The following BMPR1B variants were observed in gnomAD, a reference collection of about 807,000 sequenced individuals.
BMPR1B encodes the protein bone morphogenetic protein receptor type 1B.
In BMPR1B, 12 loss-of-function variants were observed where a neutral mutation model predicts 59.1. That is an observed-to-expected ratio of 0.20 (90% CI 0.13 to 0.33). BMPR1B has a LOEUF of 0.33. Ranked by LOEUF, BMPR1B falls within the 10% of genes least tolerant of loss-of-function variation. The probability of loss-of-function intolerance (pLI) is 1.00; values close to 1 mark genes in which losing one functional copy is unlikely to be tolerated. For synonymous variants in BMPR1B, 237 were observed against 207.3 expected (o/e 1.14, Z -1.23); for missense variants, 550 against 610.9 (o/e 0.90, Z 1.05).
intron 2 of BMPR1B, among the ~76,000 whole-genome samples, chr4:94,906,075 TG>T (rs1158361913): frequency 1.3e-5 from 2 of 151,918 alleles, no homozygotes; most frequent in African/African-American, 4.8e-5. Flanking sequence ...TCCTAGTTCC[TG>T]CTCAGCCAAG....
chr4:94,928,546 G>A (rs1054658759), intron 2 of BMPR1B, among the ~76,000 whole-genome samples: 1 of 149,724 alleles, frequency 6.7e-6, no homozygotes, highest in Middle Eastern at 3.5e-3. Flanking sequence ...CTCCTCCTAT[G>A]TTGTCATGCA....
chr4:95,019,863 T>C (rs1723845120), intron 3 of BMPR1B, among the ~76,000 whole-genome samples: 1 of 152,132 alleles, frequency 6.6e-6, no homozygotes, highest in Non-Finnish European at 1.5e-5. Flanking sequence ...AAATAAATCG[T>C]CCTCAAGTGG....
At chr4:94,791,917 C>T (rs1723001474) in intron 1 of BMPR1B, among the ~76,000 whole-genome samples, 1 of 151,562 alleles carries the variant, frequency 6.6e-6, no homozygotes, top group African/African-American at 2.4e-5. Flanking sequence ...CTAACCGCAT[C>T]TTTGCTGGTT....
chr4:94,982,891 A>T (rs1464328927), intron 2 of BMPR1B, among the ~76,000 whole-genome samples: 2 of 151,982 alleles, frequency 1.3e-5, no homozygotes, highest in Admixed American at 6.6e-5. Context: ...AAGCTGAGGC[A>T]GGAGAATGGC....
At chr4:94,841,461 G>C (rs182570996) in intron 1 of BMPR1B, among the ~76,000 whole-genome samples, 1 of 152,174 alleles carries the variant, frequency 6.6e-6, no homozygotes, top group Admixed American at 6.5e-5. Flanking sequence ...ATATAATCTC[G>C]TGCTGCGCTG....
At chr4:95,059,153 T>C (rs985329906) in intron 3 of BMPR1B, among the ~76,000 whole-genome samples, 1 of 152,132 alleles carries the variant, frequency 6.6e-6, no homozygotes, top group Non-Finnish European at 1.5e-5. Flanking sequence ...CAGCTGAAGT[T>C]ATTGAGAACT....
chr4:94,789,967 C>T (rs1722913046), intron 1 of BMPR1B, among the ~76,000 whole-genome samples: 1 of 152,086 alleles, frequency 6.6e-6, no homozygotes, highest in African/African-American at 2.4e-5. Context: ...AGGATGAAGA[C>T]CTTGATGATG....
chr4:94,856,046 A>C (rs183270539), intron 1 of BMPR1B, among the ~76,000 whole-genome samples: 15 of 152,346 alleles, frequency 9.8e-5, no homozygotes, highest in Admixed American at 6.5e-4. Context: ...ACAACAACAA[A>C]AAAGACTGAC....
chr4:95,101,839 G>C (rs1730843850), intron 3 of BMPR1B, among the ~76,000 whole-genome samples: 1 of 152,144 alleles, frequency 6.6e-6, no homozygotes, highest in African/African-American at 2.4e-5. Flanking sequence ...CAGCAATTTT[G>C]ATCCTGTAGA....
chr4:94,850,120 GACA>G (rs1725511449), intron 1 of BMPR1B, among the ~76,000 whole-genome samples: 1 of 152,082 alleles, frequency 6.6e-6, no homozygotes, highest in Admixed American at 6.6e-5. Context: ...AAAGAGTTGA[GACA>G]ATGGAGGGAG....
intron 1 of BMPR1B, among the ~76,000 whole-genome samples, chr4:94,853,822 T>A (rs547009444): frequency 1.5e-4 from 23 of 151,962 alleles, no homozygotes; most frequent in Admixed American, 5.9e-4. Flanking sequence ...TTTGGAAATT[T>A]AAAAAAAAAC....
chr4:94,833,192 CAAAAA>C (rs60473542), intron 1 of BMPR1B, among the ~76,000 whole-genome samples: 2 of 133,024 alleles, frequency 1.5e-5, no homozygotes, highest in Non-Finnish European at 1.6e-5. Context: ...GACTCTTTCT[CAAAAA>C]AAAAAAAAAA....
chr4:95,034,251 A>G (rs1208629452), intron 3 of BMPR1B, among the ~76,000 whole-genome samples: 2 of 152,106 alleles, frequency 1.3e-5, no homozygotes, highest in African/African-American at 4.8e-5. Context: ...TGGGTACATA[A>G]TAGGTATATA....
At chr4:94,966,389 C>CAA (rs1730557377) in intron 2 of BMPR1B, among the ~76,000 whole-genome samples, 1 of 151,928 alleles carries the variant, frequency 6.6e-6, no homozygotes, top group Non-Finnish European at 1.5e-5. Context: ...ATGTTAGGAA[C>CAA]AAAAATAGCA....
intron 9 of BMPR1B, 25 bp downstream of exon 9, chr4:95,130,079 GT>G (rs1360196675): frequency 4.4e-6 from 7 of 1,608,394 alleles, no homozygotes; most frequent in Admixed American, 3.3e-5. Context: ...GCATAGCTAT[GT>G]TCAGGGTTTC....
At chr4:95,103,375 AT>A (rs1304326371) in intron 3 of BMPR1B, 3 of 883,318 alleles carry the variant, frequency 3.4e-6, no homozygotes, top group East Asian at 1.2e-4. Context: ...ATTTTTTAAT[AT>A]TTTTGTTGAT....
At chr4:94,947,603 C>G (rs1729767499) in intron 2 of BMPR1B, among the ~76,000 whole-genome samples, 1 of 152,242 alleles carries the variant, frequency 6.6e-6, no homozygotes, top group South Asian at 2.1e-4. Flanking sequence ...ATGTTTAATA[C>G]AAATGTGTTT....
intron 3 of BMPR1B, among the ~76,000 whole-genome samples, chr4:95,039,421 C>CG (rs1553930127): frequency 1.4e-5 from 2 of 140,954 alleles, no homozygotes; most frequent in African/African-American, 5.2e-5. Context: ...TTTACTTCTT[C>CG]TTTTTTTTTT....
chr4:94,994,748 G>C (rs959532142), intron 2 of BMPR1B, among the ~76,000 whole-genome samples: 12 of 150,924 alleles, frequency 8.0e-5, no homozygotes, highest in African/African-American at 2.7e-4. Flanking sequence ...CTTCTATGCT[G>C]GTTATTTTTC....
Sources: allele counts gnomAD v4.1 joint callset (sites outside exome capture counted in the v4.1 genomes callset), GRCh38; gene constraint gnomAD v4.1.1; transcripts MANE v1.5; gene names NCBI Gene and HGNC (gene_info 2026-07-23, HGNC 2026-07-21).